Variants in TSC22D1 observed in about 807,000 individuals in gnomAD.
TSC22D1 encodes the protein TSC22 domain family member 1.
In TSC22D1, 9 loss-of-function variants were observed where a neutral mutation model predicts 74.2. The observed-to-expected ratio is 0.12, with a 90% confidence interval of 0.07 to 0.21. The LOEUF (loss-of-function observed/expected upper bound fraction) is 0.21. TSC22D1 is among the 10% of genes least tolerant of loss of function. The pLI, the probability that TSC22D1 is intolerant of heterozygous loss-of-function variation, is 1.00. For synonymous variants in TSC22D1, 586 were observed against 492.5 expected, an observed-to-expected ratio of 1.19 and a Z score of -2.51; for missense variants, 1,427 against 1,304.7, an observed-to-expected ratio of 1.09 and a Z score of -1.44.
At chr13:44,532,521 T>G (rs1248581767) in intron 1 of TSC22D1, among the ~76,000 whole-genome samples, 1 of 152,136 alleles carries the variant, frequency 6.6e-6, no homozygotes, top group Non-Finnish European at 1.5e-5. Context: ...TCGCCCAGGC[T>G]GGAGTGCAGT....
At chr13:44,489,781 C>T (rs1466536397) in intron 1 of TSC22D1, among the ~76,000 whole-genome samples, 1 of 152,056 alleles carries the variant, frequency 6.6e-6, no homozygotes, top group Non-Finnish European at 1.5e-5. Context: ...ATTGATAGAT[C>T]TATGCTCAAT....
At position 44,432,707 on chromosome 13, in the gene TSC22D1, C is replaced by G. The variant is rs1222015877; in HGVS notation, c.*1919G>C. The G allele has an allele frequency of 1.3e-5, 2 of 148,800 alleles. No individual in the cohort carries two copies. Among genetic ancestry groups the G allele is most frequent in the East Asian group, 3.9e-4 (2 of 5,180 alleles). 9.2% of individuals were successfully genotyped at this position (148,800 alleles called of 1,614,324 possible). A position where few individuals can be genotyped will look rare whatever the true frequency, so the allele number is the denominator to read the frequency against. On this transcript the variant is annotated 3_prime_UTR_variant, in exon 3 of 3. Coordinates refer to ENST00000458659, the MANE Select transcript of TSC22D1 (RefSeq NM_183422.4). ...ATTCAGAAAGTTTGTCCTTGTTCTG[C>G]AAGGACTTAAGACAAGCCTTAGAAC...
chr13:44,569,761 T>C (rs1297201106), intron 1 of TSC22D1, among the ~76,000 whole-genome samples: 2 of 152,144 alleles, frequency 1.3e-5, no homozygotes, highest in Non-Finnish European at 2.9e-5. Context: ...ATTTGTTGCA[T>C]AAATTATATG....
At chr13:44,533,061 T>C (rs937497275) in intron 1 of TSC22D1, among the ~76,000 whole-genome samples, 2 of 152,138 alleles carry the variant, frequency 1.3e-5, no homozygotes, top group African/African-American at 4.8e-5. Flanking sequence ...TATTTTTGGA[T>C]ACCAATTATC....
intron 1 of TSC22D1, among the ~76,000 whole-genome samples, chr13:44,522,061 T>C (rs1880342696): frequency 6.6e-6 from 1 of 152,154 alleles, no homozygotes; most frequent in South Asian, 2.1e-4. Flanking sequence ...AGTAAAGAAT[T>C]GATGTAATGT....
chr13:44,487,499 A>T (rs1464522277), intron 1 of TSC22D1, among the ~76,000 whole-genome samples: 1 of 25,586 alleles, frequency 3.9e-5, no homozygotes, highest in Non-Finnish European at 1.1e-4. Context: ...ACTCCATCTC[A>T]AAAAAAAAAA....
chr13:44,536,260 T>C (rs1881125106), intron 1 of TSC22D1, among the ~76,000 whole-genome samples: 1 of 151,912 alleles, frequency 6.6e-6, no homozygotes, highest in Non-Finnish European at 1.5e-5. Context: ...AATTTTTACT[T>C]CTTGCCTAGG....
intron 1 of TSC22D1, among the ~76,000 whole-genome samples, chr13:44,557,271 G>A (rs1248254116): frequency 1.3e-5 from 2 of 151,812 alleles, no homozygotes; most frequent in Non-Finnish European, 2.9e-5. Context: ...GACCATCCTG[G>A]CCAATGTGGT....
Position 44,575,417 on chromosome 13 carries a change from G to A in TSC22D1, c.658C>T (p.Leu220Phe), listed in dbSNP as rs1884149380. 7 of 1,613,934 alleles carry A rather than the reference G, an allele frequency of 4.3e-6. No homozygotes were observed. In the East Asian group the frequency reaches 1.6e-4, roughly 36 times the overall value. The change falls in exon 1 of 3, where the codon CTC becomes TTC. Residue 220 changes from leucine to phenylalanine, a missense_variant. Coordinates refer to ENST00000458659, the MANE Select transcript of TSC22D1 (RefSeq NM_183422.4). ...TGATGAATCTGATGGTGGTGATGGA[G>A]GTGGTGTGGATGAGCATTCCCATTG... is the stretch of plus-strand genomic sequence containing the variant. ...VINGNAHPHH[L>F]HHHHQIHHGH...
In TSC22D1 at chr13:44,574,296, C is replaced by T. The variant is rs762881859; in HGVS notation, c.1779G>A (p.Gln593=). ...NVVGVTSALG[Q]QPSISSLAQP... ...GAGCCAAACTGGAAATGGAAGGCTG[C>T]TGACCTAAAGCTGAAGTTACACCAA... Residue 593 remains glutamine (Q), a synonymous_variant, in exon 1 of 3, where the codon CAG becomes CAA. Coordinates refer to ENST00000458659, the MANE Select transcript of TSC22D1 (RefSeq NM_183422.4). 1.2e-6 allele frequency: 2 copies of T among 1,614,204 alleles called. No individual in the cohort carries two copies. The highest frequency in any genetic ancestry group is 2.7e-5 in the African/African-American group (2 of 75,058).
chr13:44,508,646 T>C (rs1879547249), intron 1 of TSC22D1, among the ~76,000 whole-genome samples: 1 of 152,138 alleles, frequency 6.6e-6, no homozygotes, highest in Non-Finnish European at 1.5e-5. Flanking sequence ...GTTAAAAATC[T>C]TTCAACAAAG....
chr13:44,523,967 C>A (rs778276257), intron 1 of TSC22D1, among the ~76,000 whole-genome samples: 12 of 152,096 alleles, frequency 7.9e-5, no homozygotes, highest in East Asian at 1.9e-4. Flanking sequence ...AAGAGATAGA[C>A]CCATCCTCTA....
chr13:44,480,029 T>C (rs911117602), intron 1 of TSC22D1, among the ~76,000 whole-genome samples: 1 of 152,190 alleles, frequency 6.6e-6, no homozygotes, highest in African/African-American at 2.4e-5. Flanking sequence ...TTTGAGAGCA[T>C]TCAATGAATA....
chr13:44,462,305 T>A (rs964180953), intron 1 of TSC22D1, among the ~76,000 whole-genome samples: 5 of 152,206 alleles, frequency 3.3e-5, no homozygotes, highest in African/African-American at 1.2e-4. Context: ...AAACATCTAT[T>A]TTACAAACAT....
intron 1 of TSC22D1, among the ~76,000 whole-genome samples, chr13:44,515,144 A>AAT (rs1331762748): frequency 2.0e-5 from 3 of 152,096 alleles, no homozygotes; most frequent in Non-Finnish European, 4.4e-5. Flanking sequence ...TTAACTTATG[A>AAT]ATATATATAT....
chr13:44,573,856 G>T lies in TSC22D1; in HGVS notation c.2219C>A (p.Thr740Asn). 6.2e-7 allele frequency: 1 copy of T among 1,614,250 alleles called. No individual in the cohort carries two copies. The highest frequency in any genetic ancestry group is 8.5e-7 in the Non-Finnish European group (1 of 1,180,038). The part of the protein sequence containing the change: ...ANIGQQANIP[T>N]AVQQPSTQVP... ...CTGGGTAGAGGGCTGCTGCACTGCA[G>T]TAGGTATGTTTGCTTGCTGACCAAT... is the stretch of plus-strand genomic sequence containing the variant. Residue 740 changes from threonine (T) to asparagine (N), a missense_variant, in exon 1 of 3, where the codon ACT (threonine) becomes AAT (asparagine). Around this residue, in one of 3 missense-constraint regions of TSC22D1, gnomAD observed 1,343 missense variants for 1,191.5 expected, o/e 1.13. Coordinates refer to ENST00000458659, the MANE Select transcript of TSC22D1 (RefSeq NM_183422.4).
At chr13:44,533,278 T>C (rs982319902) in intron 1 of TSC22D1, among the ~76,000 whole-genome samples, 5 of 151,358 alleles carry the variant, frequency 3.3e-5, no homozygotes, top group African/African-American at 4.9e-5. Flanking sequence ...CTGGCCAACA[T>C]GGTGAAACCT....
At chr13:44,459,820 G>A (rs985761840) in intron 1 of TSC22D1, among the ~76,000 whole-genome samples, 1 of 152,220 alleles carries the variant, frequency 6.6e-6, no homozygotes, top group African/African-American at 2.4e-5. Flanking sequence ...CTACCCCGCT[G>A]CAGCCAGCAC....
chr13:44,441,559 T>C (rs1407480133), intron 1 of TSC22D1, among the ~76,000 whole-genome samples: 5 of 152,208 alleles, frequency 3.3e-5, no homozygotes, highest in African/African-American at 9.6e-5. Context: ...ACAGCTTGAT[T>C]ACCTAACATC....
Sources: allele counts gnomAD v4.1 joint callset (sites outside exome capture counted in the v4.1 genomes callset), GRCh38; gene constraint gnomAD v4.1.1; regional missense constraint gnomAD v4.1.1; transcripts MANE v1.5; gene names NCBI Gene and HGNC (gene_info 2026-07-23, HGNC 2026-07-21).